The following SMYD3 variants were observed in gnomAD, a reference collection of about 807,000 sequenced individuals.
SMYD3 encodes the protein histone-lysine N-methyltransferase SMYD3.
SMYD3 carries 36 observed loss-of-function variants against 57.7 expected under a neutral mutation model. The observed-to-expected ratio is 0.62, with a 90% CI of 0.48 to 0.82. The LOEUF (loss-of-function observed/expected upper bound fraction) is 0.82. Among genes scored for constraint, SMYD3 ranks in the 40% least tolerant of loss-of-function variants. The pLI, the probability that SMYD3 is intolerant of heterozygous loss-of-function variation, is 0.00. For missense variants in SMYD3, 515 were observed against 538.8 expected, an observed-to-expected ratio of 0.96 and a Z score of 0.44; for synonymous variants, 211 against 195.0, an observed-to-expected ratio of 1.08 and a Z score of -0.68.
chr1:245,994,022 G>A (rs1423578787), intron 5 of SMYD3, among the ~76,000 whole-genome samples: 8 of 152,154 alleles, frequency 5.3e-5, no homozygotes, highest in South Asian at 2.1e-4. Context: ...ATAGAAAATC[G>A]TTCCGTTCTA....
chr1:246,305,125 C>T (rs1391496620), intron 5 of SMYD3, among the ~76,000 whole-genome samples: 3 of 152,236 alleles, frequency 2.0e-5, no homozygotes, highest in Non-Finnish European at 2.9e-5. Flanking sequence ...CATAAGCTTA[C>T]ATGAGAAGGT....
At chr1:245,985,884 T>G (rs193167920) in intron 5 of SMYD3, among the ~76,000 whole-genome samples, 212 of 152,296 alleles carry the variant, frequency 1.4e-3, no homozygotes, top group African/African-American at 5.0e-3. Context: ...TCATTCCACT[T>G]GAAACCTGCC....
intron 8 of SMYD3, among the ~76,000 whole-genome samples, chr1:245,898,522 G>A (rs1306875074): frequency 2.0e-5 from 3 of 152,214 alleles, no homozygotes; most frequent in African/African-American, 7.2e-5. Context: ...AATGCTGAAT[G>A]CTTGAACATT....
chr1:245,819,404 G>A (rs1364308526), intron 10 of SMYD3, among the ~76,000 whole-genome samples: 1 of 76,610 alleles, frequency 1.3e-5, no homozygotes, highest in African/African-American at 3.8e-5. Context: ...AGTGTGTAGA[G>A]GGAAATTTAT....
At chr1:246,321,458 T>G (rs1256403968) in intron 5 of SMYD3, among the ~76,000 whole-genome samples, 1 of 152,022 alleles carries the variant, frequency 6.6e-6, no homozygotes, top group African/African-American at 2.4e-5. Flanking sequence ...CTGAGGAAAA[T>G]GACCTAACCA....
chr1:245,796,520 C>A (rs527955419), intron 10 of SMYD3, among the ~76,000 whole-genome samples: 26 of 152,216 alleles, frequency 1.7e-4, no homozygotes, highest in African/African-American at 6.3e-4. Context: ...GTAAAGGCAG[C>A]ATGAATGGGC....
chr1:246,293,683 C>T (rs530091795), intron 5 of SMYD3, among the ~76,000 whole-genome samples: 105 of 151,822 alleles, frequency 6.9e-4, no homozygotes, highest in African/African-American at 2.4e-3. Flanking sequence ...AGAAATATCA[C>T]TTCATCATTA....
intron 10 of SMYD3, among the ~76,000 whole-genome samples, chr1:245,854,688 T>C (rs1405901415): frequency 1.3e-5 from 2 of 151,834 alleles, no homozygotes; most frequent in Non-Finnish European, 2.9e-5. Flanking sequence ...ATACACCACC[T>C]CAGCAGGCAT....
chr1:246,421,821 A>G (rs1241012858), intron 1 of SMYD3, among the ~76,000 whole-genome samples: 1 of 152,230 alleles, frequency 6.6e-6, no homozygotes, highest in Non-Finnish European at 1.5e-5. Context: ...TGGGGGACTG[A>G]ATCTGAGTCA....
At chr1:246,426,558 T>G (rs2067222101) in intron 1 of SMYD3, among the ~76,000 whole-genome samples, 1 of 152,242 alleles carries the variant, frequency 6.6e-6, no homozygotes, top group Non-Finnish European at 1.5e-5. Context: ...TAATGTTTTC[T>G]GAGGTTCATT....
chr1:246,042,540 A>C (rs372635198), intron 5 of SMYD3, among the ~76,000 whole-genome samples: 23 of 152,278 alleles, frequency 1.5e-4, no homozygotes, highest in East Asian at 9.7e-4. Context: ...TCTCCATGTA[A>C]GGACTTCGCA....
intron 5 of SMYD3, among the ~76,000 whole-genome samples, chr1:246,047,297 C>T (rs2059985959): frequency 6.6e-6 from 1 of 152,124 alleles, no homozygotes; most frequent in South Asian, 2.1e-4. Flanking sequence ...GATTCTAGAA[C>T]AGGGACAGAA....
intron 5 of SMYD3, among the ~76,000 whole-genome samples, chr1:246,266,804 AGAG>A (rs2064118226): frequency 1.5e-5 from 2 of 134,936 alleles, no homozygotes; most frequent in East Asian, 5.6e-4. Flanking sequence ...AGAAAGAGAG[AGAG>A]AGAAGAGAAA....
intron 5 of SMYD3, among the ~76,000 whole-genome samples, chr1:246,255,762 T>G (rs1343936088): frequency 8.0e-6 from 1 of 124,608 alleles, no homozygotes; most frequent in African/African-American, 3.2e-5. Context: ...CGAATCCATT[T>G]GTCTGGGGCA....
At chr1:246,015,940 T>A (rs77860395) in intron 5 of SMYD3, among the ~76,000 whole-genome samples, 6 of 152,098 alleles carry the variant, frequency 3.9e-5, no homozygotes, top group African/African-American at 1.4e-4. Flanking sequence ...CTGGATCATA[T>A]AATAATTTTA....
At chr1:245,758,552 T>A (rs935983246) in intron 11 of SMYD3, among the ~76,000 whole-genome samples, 3 of 152,194 alleles carry the variant, frequency 2.0e-5, no homozygotes, top group African/African-American at 7.2e-5. Context: ...TTCAATTGTC[T>A]TATCTTCACA....
At chr1:246,506,110 C>T (rs1219622318) in intron 1 of SMYD3, among the ~76,000 whole-genome samples, 1 of 152,214 alleles carries the variant, frequency 6.6e-6, no homozygotes, top group East Asian at 1.9e-4. Flanking sequence ...CTCCACCCAC[C>T]TAAATCTCAG....
intron 5 of SMYD3, among the ~76,000 whole-genome samples, chr1:246,262,115 G>A (rs1054491704): frequency 3.9e-5 from 6 of 152,266 alleles, no homozygotes; most frequent in South Asian, 4.1e-4. Context: ...ACTTTGTGCC[G>A]ATTTTCTTTT....
chr1:246,334,408 A>G (rs1424281859), intron 3 of SMYD3, among the ~76,000 whole-genome samples: 1 of 152,228 alleles, frequency 6.6e-6, no homozygotes, highest in African/African-American at 2.4e-5. Flanking sequence ...TGTCTTTTGG[A>G]GCAACATGAA....
Sources: allele counts gnomAD v4.1 joint callset (sites outside exome capture counted in the v4.1 genomes callset), GRCh38; gene constraint gnomAD v4.1.1; transcripts MANE v1.5; gene names NCBI Gene and HGNC (gene_info 2026-07-23, HGNC 2026-07-21).